Variants in PTPRN2 observed in about 807,000 individuals in gnomAD.
PTPRN2 encodes receptor-type tyrosine-protein phosphatase N2.
A neutral mutation model predicts 118.8 loss-of-function variants in PTPRN2; 74 were observed. The ratio of observed to expected loss-of-function variants is 0.62; its 90% CI spans 0.52 to 0.76. The LOEUF (loss-of-function observed/expected upper bound fraction) is 0.76. PTPRN2 is among the 30% of genes least tolerant of loss of function. PTPRN2 has a pLI of 0.00. For missense variants in PTPRN2, 1,481 were observed against 1,394.4 expected, an observed-to-expected ratio of 1.06 and a Z score of -0.99; for synonymous variants, 641 against 608.0, an observed-to-expected ratio of 1.05 and a Z score of -0.80.
intron 11 of PTPRN2, among the ~76,000 whole-genome samples, chr7:158,014,445 CTCCA>C (rs1806289788): frequency 2.6e-5 from 4 of 151,270 alleles, no homozygotes; most frequent in South Asian, 2.1e-4. Flanking sequence ...TCATCCATCC[CTCCA>C]TCCATCTACC....
chr7:157,677,720 C>T (rs1263550), intron 13 of PTPRN2, among the ~76,000 whole-genome samples: 129,566 of 152,214 alleles, frequency 0.85, 55,616 homozygotes, highest in Non-Finnish European at 0.91. Context: ...TCTTCCCACA[C>T]TGGGGACGAC....
At chr7:158,340,642 A>G (rs1423400306) in intron 2 of PTPRN2, among the ~76,000 whole-genome samples, 1 of 105,966 alleles carries the variant, frequency 9.4e-6, no homozygotes, top group Non-Finnish European at 2.1e-5. Context: ...TCTAGCCATA[A>G]GAGCTGACGC....
At chr7:158,045,322 A>G (rs1472509831) in intron 11 of PTPRN2, among the ~76,000 whole-genome samples, 1 of 152,230 alleles carries the variant, frequency 6.6e-6, no homozygotes, top group East Asian at 1.9e-4. Flanking sequence ...TTTTTTATTA[A>G]AAAAGTAATT....
intron 12 of PTPRN2, among the ~76,000 whole-genome samples, chr7:157,696,559 A>G (rs1317365531): frequency 2.3e-3 from 187 of 80,742 alleles, no homozygotes; most frequent in African/African-American, 3.3e-3. Context: ...TGCATACTGG[A>G]TCTTAGTAGA....
chr7:158,121,021 T>C (rs1182525892), intron 9 of PTPRN2, among the ~76,000 whole-genome samples: 1 of 152,120 alleles, frequency 6.6e-6, no homozygotes, highest in Non-Finnish European at 1.5e-5. Context: ...GCAAGTGCGA[T>C]GCTTCCAGAT....
chr7:158,086,253 C>G (rs1813403616), intron 10 of PTPRN2, among the ~76,000 whole-genome samples: 1 of 152,114 alleles, frequency 6.6e-6, no homozygotes, highest in Non-Finnish European at 1.5e-5. Flanking sequence ...CCCACCGCTC[C>G]CAGGCTGAAG....
rs751136651 is a variant in PTPRN2 at position 158,110,811 on chromosome 7, C to G, written c.1643+18G>C. 2 of 1,567,066 alleles carry G rather than the reference C, an allele frequency of 1.3e-6. No individual in the cohort carries two copies. Among genetic ancestry groups the G allele is most frequent in the South Asian group, 2.3e-5 (2 of 85,436 alleles). ...AAGCAACAGGAGCCAAACAGAAACC[C>G]CAGGGCCCCGTACTTACTCCACGTC... On this transcript the variant is annotated intron_variant, in intron 10 of 22. Coordinates refer to ENST00000389418, the MANE Select transcript of PTPRN2 (RefSeq NM_002847.5).
chr7:158,336,732 C>T (rs368594862), intron 2 of PTPRN2, among the ~76,000 whole-genome samples: 643 of 83,146 alleles, frequency 7.7e-3, no homozygotes, highest in African/African-American at 0.026. Flanking sequence ...AAAGAGCTGA[C>T]GCCCGCAGAC....
chr7:158,040,453 C>T (rs1360138736), intron 11 of PTPRN2, among the ~76,000 whole-genome samples: 1 of 152,050 alleles, frequency 6.6e-6, no homozygotes, highest in Admixed American at 6.6e-5. Flanking sequence ...ACACACACTG[C>T]AGAAAAATCA....
intron 10 of PTPRN2, among the ~76,000 whole-genome samples, chr7:158,097,471 T>G (rs1814724889): frequency 6.6e-6 from 1 of 152,190 alleles, no homozygotes; most frequent in Non-Finnish European, 1.5e-5. Flanking sequence ...GATCACAGAA[T>G]TAGGCTGCGT....
intron 12 of PTPRN2, among the ~76,000 whole-genome samples, chr7:157,766,571 T>C (rs1802502820): frequency 6.6e-6 from 1 of 152,232 alleles, no homozygotes; most frequent in African/African-American, 2.4e-5. Flanking sequence ...AGAGCTTCTA[T>C]CCTAGAGAAT....
intron 6 of PTPRN2, among the ~76,000 whole-genome samples, chr7:158,162,382 A>G (rs1183674779): frequency 6.6e-6 from 1 of 152,206 alleles, no homozygotes; most frequent in Non-Finnish European, 1.5e-5. Context: ...CCATCTATAC[A>G]ATGGAGTGTT....
intron 12 of PTPRN2, among the ~76,000 whole-genome samples, chr7:157,771,377 C>T (rs924211313): frequency 1.3e-5 from 2 of 152,234 alleles, no homozygotes; most frequent in African/African-American, 4.8e-5. Flanking sequence ...ACCTGCCCCC[C>T]CATTCCCTGT....
chr7:157,645,381 G>GGGA (rs1022323909), intron 14 of PTPRN2, among the ~76,000 whole-genome samples: 5 of 152,206 alleles, frequency 3.3e-5, no homozygotes, highest in African/African-American at 1.2e-4. Context: ...TGGGAGACCT[G>GGGA]GGACAGAGGT....
chr7:158,215,311 A>C (rs1827881916), intron 3 of PTPRN2, among the ~76,000 whole-genome samples: 1 of 152,242 alleles, frequency 6.6e-6, no homozygotes. Flanking sequence ...GGAATTACTC[A>C]ATGTCAACAA....
chr7:158,515,114 G>A (rs958852887), intron 1 of PTPRN2, among the ~76,000 whole-genome samples: 2 of 152,120 alleles, frequency 1.3e-5, no homozygotes, highest in Non-Finnish European at 2.9e-5. Flanking sequence ...ACTGGGATGC[G>A]GAGAGAAAGG....
Position 158,509,292 on chromosome 7 carries a change from C to T in PTPRN2, c.113-19507G>A, listed in dbSNP as rs766529839. On this transcript the variant is annotated intron_variant, in intron 1 of 22. Transcript: ENST00000389418. This position sits in a 1 kb window ranked among gnomAD's most constrained non-coding sequence, Gnocchi z 4.4. ...CTTGCCGGCCCGTCAGTCACAGCAT[C>T]GGAAGAATGAATAGTGCTCCCTGAT... is the stretch of plus-strand genomic sequence containing the variant. 1.1e-4 allele frequency among the ~76,000 whole-genome samples: 16 copies of T among 152,154 alleles called. No individual in the cohort carries two copies. The highest frequency in any genetic ancestry group is 2.2e-4 in the Non-Finnish European group (15 of 68,030).
At chr7:158,105,824 C>T (rs984943336) in intron 10 of PTPRN2, among the ~76,000 whole-genome samples, 15 of 152,054 alleles carry the variant, frequency 9.9e-5, no homozygotes, top group Admixed American at 3.9e-4. Flanking sequence ...CTCCATCTTA[C>T]GCCATGCAGC....
At chr7:158,225,112 C>CA (rs1828654164) in intron 3 of PTPRN2, among the ~76,000 whole-genome samples, 1 of 149,334 alleles carries the variant, frequency 6.7e-6, no homozygotes. Context: ...ATCACTGTTA[C>CA]TTTTTTTTTT....
Sources: gnomAD v4.1 joint callset for allele counts (sites outside exome capture counted in the v4.1 genomes callset) on GRCh38, gnomAD v4.1.1 for gene constraint, Gnocchi (gnomAD v3.1) non-coding constraint, MANE v1.5 for transcripts, NCBI Gene and HGNC (gene_info 2026-07-23, HGNC 2026-07-21) for gene names.